NECTIN4: variants seen among roughly 807,000 people sequenced by gnomAD.
The protein encoded by NECTIN4 is nectin-4.
A neutral mutation model predicts 51.7 loss-of-function variants in NECTIN4; 19 were observed. The observed-to-expected ratio is 0.37, with a 90% CI of 0.26 to 0.54. NECTIN4 has a LOEUF of 0.54. Among genes scored for constraint, NECTIN4 ranks in the 20% least tolerant of loss-of-function variants. NECTIN4 has a pLI of 0.86. For synonymous variants in NECTIN4, 283 were observed against 286.9 expected (o/e 0.99, Z 0.14); for missense variants, 619 against 662.4 (o/e 0.93, Z 0.72).
At chr1:161,087,365 AG>A (rs1204578012) in intron 1 of NECTIN4, 2 of 152,056 alleles carry the variant, frequency 1.3e-5, no homozygotes, top group African/African-American at 2.4e-5. Context: ...CCTTACTGCC[AG>A]GCATTGCATG....
intron 1 of NECTIN4, among the ~76,000 whole-genome samples, chr1:161,082,106 A>G (rs2101671359): frequency 6.6e-6 from 1 of 152,228 alleles, no homozygotes; most frequent in South Asian, 2.1e-4. Context: ...AGGCAGGCAG[A>G]TCACCTGAGG....
chr1:161,072,827 G>C lies in NECTIN4; in HGVS notation c.1367C>G (p.Thr456Arg), dbSNP rs1278602981. The change falls in exon 9 of 9, where the codon ACA (threonine) becomes AGA (arginine). Residue 456 changes from threonine to arginine, a missense_variant. Physicochemically the swap from Thr to Arg is moderately conservative, Grantham distance 71 (BLOSUM62 -1). Transcript: ENST00000368012. ...GCCTGGAGACAGCAGTTCAGTCTGTGTTTCTATCTCCCTCACCGTGGTCAG... is the reference window on the plus strand; with the variant it reads ...GCCTGGAGACAGCAGTTCAGTCTGTCTTTCTATCTCCCTCACCGTGGTCAG... ...STLTTVREIE[T>R]QTELLSPGSG... 26 of 1,614,206 alleles carry C rather than the reference G, an allele frequency of 1.6e-5. No homozygotes were observed. The highest frequency in any genetic ancestry group is 2.2e-5 in the Non-Finnish European group (26 of 1,180,032).
chr1:161,072,720 G>A lies in NECTIN4; in HGVS notation c.1474C>T (p.Leu492=). ...CCATTGCCCGTGGGCTTGGCCCGTA[G>A]GGTCCCATTCTCCTGAACAAAATGG... ...MNHFVQENGT[L]RAKPTGNGIY... Residue 492 remains leucine (L), a synonymous_variant, in exon 9 of 9, where the codon CTA becomes TTA. Coordinates refer to ENST00000368012, the MANE Select transcript of NECTIN4 (RefSeq NM_030916.3). 1 of 1,614,222 alleles carries A rather than the reference G, an allele frequency of 6.2e-7. No individual in the cohort carries two copies. The highest frequency in any genetic ancestry group is 8.5e-7 in the Non-Finnish European group (1 of 1,180,048).
chr1:161,074,827 A>G, intron 4 of NECTIN4, 68 bp from the exon 5 acceptor site: 1 of 1,541,382 alleles, frequency 6.5e-7, no homozygotes, highest in Non-Finnish European at 8.8e-7. Context: ...CAACGTGTCC[A>G]GACAGCTCTC....
Position 161,074,719 on chromosome 1 carries a change from C to T in NECTIN4, c.892G>A (p.Asp298Asn). 6.2e-7 allele frequency: 1 copy of T among 1,614,148 alleles called. No individual in the cohort carries two copies. The highest frequency in any genetic ancestry group is 2.2e-5 in the East Asian group (1 of 44,878). ...PLPSGVRVDGDTLGFPPLTTE... is the reference protein window; with the variant it reads ...PLPSGVRVDGNTLGFPPLTTE... ...GTCAGTGGGGGAAAGCCCAAAGTGT[C>T]CCCATCCACTCGTACCCCACTGGGC... Residue 298 changes from aspartate to asparagine, a missense_variant, in exon 5 of 9, where the codon GAC becomes AAC. Transcript: ENST00000368012.
intron 1 of NECTIN4, among the ~76,000 whole-genome samples, chr1:161,084,080 T>A (rs1461629521): frequency 1.3e-5 from 2 of 151,770 alleles, no homozygotes; most frequent in African/African-American, 4.8e-5. Context: ...AGGAAGGGAG[T>A]AAGTATGAGT....
chr1:161,071,459 T>C lies in NECTIN4; in HGVS notation c.*1202A>G, dbSNP rs145859289. On this transcript the variant is annotated 3_prime_UTR_variant, in exon 9 of 9. Transcript: ENST00000368012. ...TTGTCACCAGGTCCAAGCAATTCCC[T>C]AAGGTATCACAAACAATGGTGGATG... 792 of 152,364 alleles carry C rather than the reference T, an allele frequency of 5.2e-3. 5 individuals are homozygous for C. Among genetic ancestry groups the C allele is most frequent in the Admixed American group, 0.015 (231 of 15,272 alleles). The allele number at this position is 152,364 out of a possible 1,614,324, so 9.4% of individuals were successfully genotyped here.
In NECTIN4 at chr1:161,072,891, G is replaced by T; in HGVS notation, c.1309-6C>A. The T allele has an allele frequency of 6.2e-7, 1 of 1,608,942 alleles. No individual in the cohort carries two copies. The highest frequency in any genetic ancestry group is 1.1e-5 in the South Asian group (1 of 90,222). Reference sequence around the variant, plus strand: ...CGGCCCTCGGGCTCTTCACTCTGGAGACCAAGGGCAAAGGGCAAGTCAGGA... The same window carrying T: ...CGGCCCTCGGGCTCTTCACTCTGGATACCAAGGGCAAAGGGCAAGTCAGGA... On this transcript the variant is annotated splice_polypyrimidine_tract_variant and splice_region_variant and intron_variant, in intron 8 of 8. Transcript: ENST00000368012.
chr1:161,082,548 G>A (rs938421264), intron 1 of NECTIN4, among the ~76,000 whole-genome samples: 1 of 152,118 alleles, frequency 6.6e-6, no homozygotes, highest in Non-Finnish European at 1.5e-5. Context: ...GAGAGTTTTA[G>A]TGAGGCAGCA....
Position 161,074,671 on chromosome 1 carries a change from C to T in NECTIN4, c.940G>A (p.Val314Ile), listed in dbSNP as rs751930760. The change falls in exon 5 of 9, where the codon GTC becomes ATC. Residue 314 changes from valine (V) to isoleucine (I), a missense_variant. By Grantham distance (29) the Val-to-Ile change is conservative. Coordinates refer to ENST00000368012, the MANE Select transcript of NECTIN4 (RefSeq NM_030916.3). The part of the protein sequence containing the change: ...PLTTEHSGIY[V>I]CHVSNEFSSR... ...GAGAACTCATTGCTGACATGGCAGA[C>T]GTAGATGCCGCTGTGCTCAGTGGTC... The T allele has an allele frequency of 1.5e-5, 25 of 1,614,214 alleles. No homozygotes were observed. Among genetic ancestry groups the T allele is most frequent in the Middle Eastern group, 1.6e-4 (1 of 6,062 alleles).
intron 5 of NECTIN4, 38 bp downstream of exon 5, chr1:161,074,573 C>A: frequency 6.2e-7 from 1 of 1,613,320 alleles, no homozygotes; most frequent in Non-Finnish European, 8.5e-7. Context: ...AAGCCCTTGG[C>A]CCAGGTCCTT....
In NECTIN4 at chr1:161,089,156, A is replaced by G; in HGVS notation, c.79+62T>C. 7.0e-7 allele frequency: 1 copy of G among 1,428,110 alleles called. No individual in the cohort carries two copies. Among genetic ancestry groups the G allele is most frequent in the Non-Finnish European group, 9.9e-7 (1 of 1,012,322 alleles). 88.5% of individuals were successfully genotyped at this position (1,428,110 alleles called of 1,614,324 possible). On this transcript the variant is annotated intron_variant, in intron 1 of 8. Transcript: ENST00000368012. This position sits in a 1 kb window ranked among gnomAD's most constrained non-coding sequence, Gnocchi z 4.1. ...TGCGTGTGTGTCTATGTGTTTGTGC[A>G]TGTGTGTCAGTGCCAGGTTGGGCTC...
At chr1:161,086,802 G>A (rs965770206) in intron 1 of NECTIN4, 1 of 152,290 alleles carries the variant, frequency 6.6e-6, no homozygotes. Context: ...GGATTTGGGT[G>A]GGGGGTGAAT....
chr1:161,077,193 A>G (rs1157307054), intron 3 of NECTIN4, among the ~76,000 whole-genome samples: 2 of 152,168 alleles, frequency 1.3e-5, no homozygotes, highest in East Asian at 1.9e-4. Flanking sequence ...TTTCAATTCC[A>G]TGTTTCTAAT....
chr1:161,080,351 G>A (rs1181034848), intron 1 of NECTIN4, among the ~76,000 whole-genome samples: 2 of 152,232 alleles, frequency 1.3e-5, no homozygotes, highest in East Asian at 3.9e-4. Context: ...AAAGAAACAG[G>A]GAAAGCCATG....
rs960457969 is a variant in NECTIN4 at position 161,071,880 on chromosome 1, A to G, written c.*781T>C. ...ATAAAAATAAATAAAAAATACAACT[A>G]ATGGAAAGGGCAAGAAAAAAAAAAG... is the stretch of plus-strand genomic sequence containing the variant. On this transcript the variant is annotated 3_prime_UTR_variant, in exon 9 of 9. Coordinates refer to ENST00000368012, the MANE Select transcript of NECTIN4 (RefSeq NM_030916.3). 5.9e-5 allele frequency: 9 copies of G among 151,894 alleles called. No homozygotes were observed. Among genetic ancestry groups the G allele is most frequent in the African/African-American group, 2.2e-4 (9 of 41,350 alleles). 9.4% of individuals were successfully genotyped at this position (151,894 alleles called of 1,614,324 possible).
chr1:161,081,562 TG>T (rs1653676287), intron 1 of NECTIN4, among the ~76,000 whole-genome samples: 1 of 152,080 alleles, frequency 6.6e-6, no homozygotes, highest in South Asian at 2.1e-4. Flanking sequence ...GATTGGGGCC[TG>T]GGGGCAGAGC....
intron 8 of NECTIN4, 61 bp downstream of exon 8, chr1:161,073,164 T>C (rs1301374153): frequency 6.8e-7 from 1 of 1,467,056 alleles, no homozygotes; most frequent in Non-Finnish European, 9.5e-7. Context: ...GCACCATATC[T>C]GGGACCAGGA....
chr1:161,083,074 G>A (rs904805466), intron 1 of NECTIN4, among the ~76,000 whole-genome samples: 1 of 152,136 alleles, frequency 6.6e-6, no homozygotes, highest in African/African-American at 2.4e-5. Flanking sequence ...ATGCCTGAAT[G>A]TCAATCCTCC....
Sources: allele counts gnomAD v4.1 joint callset (sites outside exome capture counted in the v4.1 genomes callset), GRCh38; gene constraint gnomAD v4.1.1; non-coding constraint Gnocchi (gnomAD v3.1); transcripts MANE v1.5; gene names NCBI Gene and HGNC (gene_info 2026-07-23, HGNC 2026-07-21).